Variants in IKBIP observed in about 807,000 individuals in gnomAD.
IKBIP encodes IKBKB interacting protein.
IKBIP carries 28 observed loss-of-function variants against 31.0 expected under a neutral mutation model. The ratio of observed to expected loss-of-function variants is 0.90; its 90% CI spans 0.67 to 1.24. The LOEUF (loss-of-function observed/expected upper bound fraction) is 1.24. Ranked by LOEUF, IKBIP falls within the 50% of genes most tolerant of loss-of-function variation. The pLI, the probability that IKBIP is intolerant of heterozygous loss-of-function variation, is 0.00. For missense variants in IKBIP, 453 were observed against 441.9 expected (o/e 1.03, Z -0.23); for synonymous variants, 164 against 160.3 (o/e 1.02, Z -0.17).
At chr12:98,627,280 A>T (rs1301380137) in intron 2 of IKBIP, among the ~76,000 whole-genome samples, 1 of 64,896 alleles carries the variant, frequency 1.5e-5, no homozygotes, top group South Asian at 5.5e-4. Flanking sequence ...GCACTATGTT[A>T]AAAAAAAAAA....
At chr12:98,632,478 T>C (rs1281031393) in intron 2 of IKBIP, among the ~76,000 whole-genome samples, 2 of 44,222 alleles carry the variant, frequency 4.5e-5, no homozygotes, top group African/African-American at 1.0e-4. Context: ...GGAGAGACTC[T>C]ATCTGAAAAA....
At chr12:98,627,798 A>C (rs550986443) in intron 2 of IKBIP, among the ~76,000 whole-genome samples, 4 of 152,270 alleles carry the variant, frequency 2.6e-5, no homozygotes, top group Admixed American at 6.5e-5. Flanking sequence ...ATACAATTTG[A>C]TATCTTTCCT....
In IKBIP at chr12:98,616,048, GT is replaced by G. The variant is rs879763091; in HGVS notation, c.298-1709del. 3.8e-3 allele frequency among the ~76,000 whole-genome samples: 541 copies of G among 144,042 alleles called. 4 individuals are homozygous for G. The highest frequency in any genetic ancestry group is 0.011 in the African/African-American group (454 of 39,516). The allele number at this position is 144,042 out of a possible 152,430, so 94.5% of individuals were successfully genotyped here. On this transcript the variant is annotated intron_variant, in intron 2 of 2. Coordinates refer to the IKBIP transcript ENST00000342502. ...TTGCTGGATCATATGATTATTCTTA[GT>G]TTTTTTTTTTTTGAGGAACCTCCAC...
rs1315813715 is a variant in IKBIP at position 98,613,982 on chromosome 12, G to T, written c.656C>A (p.Ser219Ter). The change falls in exon 3 of 3, where the codon TCA becomes TAA. Residue 219 changes from serine to a stop codon, truncating the protein, a stop_gained. Coordinates refer to the IKBIP transcript ENST00000342502. LOFTEE classifies it high-confidence loss of function. ...CGTTGCTGTTCGATCAATACTGCTT[G>T]AAAGAAGATCACCTATATTTTTTAC... is the stretch of plus-strand genomic sequence containing the variant. 3.1e-6 allele frequency: 5 copies of T among 1,611,492 alleles called. No homozygotes were observed. The highest frequency in any genetic ancestry group is 4.2e-6 in the Non-Finnish European group (5 of 1,179,160).
At position 98,626,027 on chromosome 12, in the gene IKBIP, T is replaced by C. The variant is rs769043600; in HGVS notation, c.1037A>G (p.Glu346Gly). 6.4e-7 allele frequency: 1 copy of C among 1,570,946 alleles called. No individual in the cohort carries two copies. The highest frequency in any genetic ancestry group is 1.9e-5 in the Admixed American group (1 of 52,462). Residue 346 changes from glutamate (E) to glycine (G), a missense_variant, in exon 3 of 3, where the codon GAA becomes GGA. Physicochemically the swap from Glu to Gly is moderately conservative, Grantham distance 98 (BLOSUM62 -2). Transcript: ENST00000299157. ...GTATGCTATAAAATCATGAACTTTT[T>C]CTTTTAGAATATCCAGTTCATTTTG... ...KMQNELDILK[E>G]KVHDFIAYSS... is the part of the protein sequence containing the mutation.
chr12:98,632,311 A>T (rs1203507158), intron 2 of IKBIP, among the ~76,000 whole-genome samples: 1 of 150,174 alleles, frequency 6.7e-6, no homozygotes. Context: ...TCTCCAAAAA[A>T]TTAAAGAAAA....
Position 98,630,376 on chromosome 12 carries a change from C to CAAAAA in IKBIP, c.298-3615_298-3611dup, listed in dbSNP as rs61623957. 1.7e-3 allele frequency among the ~76,000 whole-genome samples: 70 copies of CAAAAA among 41,300 alleles called. 16 individuals carry two copies. Among genetic ancestry groups the CAAAAA allele is most frequent in the African/African-American group, 7.7e-3 (63 of 8,164 alleles). The allele number at this position is 41,300 out of a possible 152,430, so 27.1% of individuals were successfully genotyped here. On this transcript the variant is annotated intron_variant, in intron 2 of 2. Coordinates refer to ENST00000299157, the MANE Select transcript of IKBIP (RefSeq NM_153687.4). ...CCAGCCTGGGCAACAAGAGCCTGGG[C>CAAAAA]AAAAAAAAAAAAAAAAAAAAAAAAA...
chr12:98,628,576 G>A (rs1396068971), intron 2 of IKBIP, among the ~76,000 whole-genome samples: 1 of 152,166 alleles, frequency 6.6e-6, no homozygotes, highest in Non-Finnish European at 1.5e-5. Flanking sequence ...CTGACAACCT[G>A]AATTCCTGTA....
intron 2 of IKBIP, among the ~76,000 whole-genome samples, chr12:98,615,783 A>G (rs1369112568): frequency 1.3e-5 from 2 of 152,172 alleles, no homozygotes; most frequent in Non-Finnish European, 2.9e-5. Context: ...CATTCCACTT[A>G]GCATAATATC....
chr12:98,630,291 AG>A (rs1592995160), intron 2 of IKBIP, among the ~76,000 whole-genome samples: 1 of 142,680 alleles, frequency 7.0e-6, no homozygotes, highest in East Asian at 2.3e-4. Context: ...AGGCTGAGGC[AG>A]GAGAATTGCT....
At chr12:98,635,106 A>T (rs2097624659) in intron 1 of IKBIP, among the ~76,000 whole-genome samples, 1 of 150,242 alleles carries the variant, frequency 6.7e-6, no homozygotes, top group Non-Finnish European at 1.5e-5. Context: ...CCTGGGTTCA[A>T]GCGATTCTCC....
At chr12:98,639,422 C>T (rs2097628548) in intron 1 of IKBIP, among the ~76,000 whole-genome samples, 1 of 152,166 alleles carries the variant, frequency 6.6e-6, no homozygotes, top group Non-Finnish European at 1.5e-5. Context: ...AAAAATAACT[C>T]TCGTTTTTGG....
intron 2 of IKBIP, chr12:98,614,419 CTTTTT>C (rs1047038320): frequency 1.5e-5 from 12 of 796,632 alleles, no homozygotes; most frequent in African/African-American, 1.1e-4. Flanking sequence ...TTTTATATTT[CTTTTT>C]AATTTTAATT....
At chr12:98,623,385 C>A (rs749738334), downstream of IKBIP, among the ~76,000 whole-genome samples, 1 of 150,428 alleles carries the variant, frequency 6.6e-6, no homozygotes, top group Non-Finnish European at 1.5e-5. Flanking sequence ...CAGCCTCCTG[C>A]GTCGCTAGGA....
chr12:98,627,718 G>A (rs992744653), intron 2 of IKBIP, among the ~76,000 whole-genome samples: 5 of 152,186 alleles, frequency 3.3e-5, no homozygotes, highest in Non-Finnish European at 5.9e-5. Flanking sequence ...GATTACAGGC[G>A]TGAGCCACCG....
In IKBIP at chr12:98,625,941, C is replaced by T. The variant is rs1031520559; in HGVS notation, c.1123G>A (p.Gly375Ser). The change falls in exon 3 of 3, where the codon GGT (glycine) becomes AGT (serine). Residue 375 changes from glycine to serine, a missense_variant. Transcript: ENST00000299157. ...TAAATGTCATGAATTTAAAAATCAC[C>T]ACCAATTCCTTTATTTTCTATATTA... ...EYNIENKGIG[G>S]DF 2 of 1,379,792 alleles carry T rather than the reference C, an allele frequency of 1.4e-6. No homozygotes were observed. Among genetic ancestry groups the T allele is most frequent in the Non-Finnish European group, 1.9e-6 (2 of 1,040,108 alleles). The allele number at this position is 1,379,792 out of a possible 1,614,324, so 85.5% of individuals were successfully genotyped here.
At chr12:98,617,820 A>G (rs867788315) in intron 2 of IKBIP, among the ~76,000 whole-genome samples, 13 of 152,374 alleles carry the variant, frequency 8.5e-5, no homozygotes, top group Middle Eastern at 3.4e-3. Flanking sequence ...AAAGAATCCC[A>G]TTTATAATGT....
intron 2 of IKBIP, among the ~76,000 whole-genome samples, chr12:98,630,391 A>G (rs1211946430): frequency 1.1e-5 from 1 of 88,390 alleles, no homozygotes; most frequent in Non-Finnish European, 2.6e-5. Context: ...AAAAAAAAAA[A>G]AAAAAAAAAA....
In IKBIP at chr12:98,644,571, C is replaced by T; in HGVS notation, c.131G>A (p.Arg44Gln). Residue 44 changes from arginine to glutamine, a missense_variant, in exon 1 of 3, where the codon CGA becomes CAA. Transcript: ENST00000299157. ...CAGCGACAGCAGGCTCAGGCACGTT[C>T]GGGGGTCTGCCCAGCCCCCGCCTCC... ...SSGGGGWADPRTCLSLLSLGT... is the reference protein window; with the variant it reads ...SSGGGGWADPQTCLSLLSLGT... 1 of 1,608,846 alleles carries T rather than the reference C, an allele frequency of 6.2e-7. No individual in the cohort carries two copies. The highest frequency in any genetic ancestry group is 8.5e-7 in the Non-Finnish European group (1 of 1,178,192).
Sources: gnomAD v4.1 joint callset for allele counts (sites outside exome capture counted in the v4.1 genomes callset) on GRCh38, gnomAD v4.1.1 for gene constraint, MANE v1.5 for transcripts, NCBI Gene and HGNC (gene_info 2026-07-23, HGNC 2026-07-21) for gene names.